Variants in SVIL observed in about 807,000 individuals in gnomAD.
SVIL encodes the protein supervillin.
Under a neutral mutation model 240.4 loss-of-function variants are expected in SVIL, and 101 were observed. That is an observed-to-expected ratio of 0.42 (90% confidence interval 0.36 to 0.50). SVIL has a LOEUF of 0.50. Among genes scored for constraint, SVIL ranks in the 20% least tolerant of loss-of-function variants. SVIL has a pLI of 0.01. For missense variants in SVIL, 2,512 were observed against 2,818.7 expected, an observed-to-expected ratio of 0.89 and a Z score of 2.46; for synonymous variants, 999 against 1,100.0, an observed-to-expected ratio of 0.91 and a Z score of 1.82.
chr10:29,588,114 C>T (rs1252825836), intron 1 of SVIL, among the ~76,000 whole-genome samples: 5 of 151,694 alleles, frequency 3.3e-5, no homozygotes, highest in African/African-American at 1.2e-4. Flanking sequence ...GCATCCCACC[C>T]ACTGGCTCAC....
chr10:29,562,374 C>T (rs928772639), intron 3 of SVIL, among the ~76,000 whole-genome samples: 2 of 152,234 alleles, frequency 1.3e-5, no homozygotes, highest in Admixed American at 6.5e-5. Context: ...TCACCAAACA[C>T]GTGTGAGTGC....
intron 1 of SVIL, among the ~76,000 whole-genome samples, chr10:29,706,819 G>C (rs942777486): frequency 1.3e-5 from 2 of 152,132 alleles, no homozygotes; most frequent in African/African-American, 4.8e-5. Context: ...CTTTGTATAA[G>C]GTGTAAGGAA....
intron 4 of SVIL, 51 bp downstream of exon 4, chr10:29,555,000 T>C (rs1564632293): frequency 6.2e-7 from 1 of 1,611,444 alleles, no homozygotes; most frequent in Non-Finnish European, 8.5e-7. Flanking sequence ...AATGGAATAC[T>C]GCTTTGCCAA....
At chr10:29,550,355 T>C (rs1012549713) in intron 6 of SVIL, among the ~76,000 whole-genome samples, 6 of 151,672 alleles carry the variant, frequency 4.0e-5, no homozygotes, top group Admixed American at 2.0e-4. Flanking sequence ...GGCAGGAGGA[T>C]TGCTTGAGCC....
chr10:29,459,008 T>G (rs1943905311), intron 36 of SVIL, among the ~76,000 whole-genome samples: 1 of 144,284 alleles, frequency 6.9e-6, no homozygotes, highest in South Asian at 2.3e-4. Context: ...TTTTTTTTTT[T>G]GTAGAGACTG....
intron 1 of SVIL, among the ~76,000 whole-genome samples, chr10:29,692,654 T>A: frequency 6.7e-6 from 1 of 149,718 alleles, no homozygotes; most frequent in African/African-American, 2.4e-5. Context: ...GATATATATA[T>A]AAAAATATAT....
chr10:29,610,868 A>G (rs1302759799), intron 1 of SVIL, among the ~76,000 whole-genome samples: 3 of 152,100 alleles, frequency 2.0e-5, no homozygotes, highest in Non-Finnish European at 4.4e-5. Flanking sequence ...TGTGCAGTGC[A>G]TCACTTGTGA....
At chr10:29,676,889 G>T (rs115617210) in intron 2 of SVIL, among the ~76,000 whole-genome samples, 2,580 of 152,198 alleles carry the variant, frequency 0.017, 69 homozygotes, top group African/African-American at 0.059. Context: ...AACACCTGTG[G>T]AGATTTAGCC....
At chr10:29,657,955 T>G (rs959709655) in intron 3 of SVIL, 1 of 152,226 alleles carries the variant, frequency 6.6e-6, no homozygotes, top group Non-Finnish European at 1.5e-5. Flanking sequence ...CATATTTCTT[T>G]CCTCAATACT....
intron 1 of SVIL, among the ~76,000 whole-genome samples, chr10:29,718,399 G>A (rs1377912024): frequency 2.0e-5 from 3 of 152,044 alleles, no homozygotes; most frequent in Admixed American, 2.0e-4. Flanking sequence ...AATTACATAT[G>A]TGGTTTACAT....
intron 8 of SVIL, 135 bp downstream of exon 8, chr10:29,532,394 G>A (rs1391250491): frequency 2.4e-5 from 34 of 1,405,732 alleles, no homozygotes; most frequent in East Asian, 1.5e-4. Context: ...GCCATTTTCC[G>A]CATAGTCGCC....
chr10:29,606,960 G>A (rs1361551823), intron 1 of SVIL, among the ~76,000 whole-genome samples: 1 of 152,104 alleles, frequency 6.6e-6, no homozygotes, highest in East Asian at 1.9e-4. Context: ...TCACCACGCT[G>A]GCCAGGCTGG....
intron 1 of SVIL, among the ~76,000 whole-genome samples, chr10:29,581,536 A>G (rs1309094930): frequency 1.3e-5 from 2 of 152,256 alleles, no homozygotes; most frequent in African/African-American, 4.8e-5. Flanking sequence ...TGCAAGTCAC[A>G]GCTATTTTTT....
chr10:29,500,184 G>T (rs556757715), intron 17 of SVIL, among the ~76,000 whole-genome samples: 1 of 152,222 alleles, frequency 6.6e-6, no homozygotes, highest in East Asian at 1.9e-4. Flanking sequence ...GCCACTGAGT[G>T]ATGTGTATTG....
At position 29,460,523 on chromosome 10, in the gene SVIL, C is replaced by T. The variant is rs140749237; in HGVS notation, c.6402+1754G>A. 5.2e-4 allele frequency among the ~76,000 whole-genome samples: 79 copies of T among 152,226 alleles called. 1 individual carries two copies. In the East Asian group the frequency reaches 6.2e-3, roughly 12 times the overall value. On this transcript the variant is annotated intron_variant, in intron 36 of 37. Transcript: ENST00000355867. ...ATGTTTATGATTTCTTTGGAATAAA[C>T]GTCGAAATTAACTCTCCTAGTCTTG...
intron 1 of SVIL, among the ~76,000 whole-genome samples, chr10:29,627,055 A>C (rs543886161): frequency 4.6e-4 from 70 of 151,864 alleles, no homozygotes; most frequent in Non-Finnish European, 8.5e-4. Context: ...AATAAAATAA[A>C]ATAAAATAAA....
chr10:29,642,658 C>T (rs1036898931), intron 3 of SVIL, among the ~76,000 whole-genome samples: 9 of 151,996 alleles, frequency 5.9e-5, no homozygotes, highest in Non-Finnish European at 1.2e-4. Flanking sequence ...CTGAAAATAT[C>T]AAAATAGTCT....
intron 21 of SVIL, among the ~76,000 whole-genome samples, chr10:29,492,595 C>G (rs1170991407): frequency 6.6e-6 from 1 of 152,124 alleles, no homozygotes; most frequent in Non-Finnish European, 1.5e-5. Flanking sequence ...TTGCTGAAAT[C>G]AGTTTGAGTT....
intron 2 of SVIL, among the ~76,000 whole-genome samples, chr10:29,677,626 T>C (rs1265153161): frequency 6.6e-6 from 1 of 152,166 alleles, no homozygotes. Flanking sequence ...CTCACTATAT[T>C]GCCTAGGCTT....
Sources: gnomAD v4.1 joint callset for allele counts (sites outside exome capture counted in the v4.1 genomes callset) on GRCh38, gnomAD v4.1.1 for gene constraint, MANE v1.5 for transcripts, NCBI Gene and HGNC (gene_info 2026-07-23, HGNC 2026-07-21) for gene names.